Variants in PARD3 observed in about 807,000 individuals in gnomAD.
PARD3 encodes the protein partitioning defective 3 homolog.
PARD3 carries 75 observed loss-of-function variants against 155.4 expected under a neutral mutation model. The ratio of observed to expected loss-of-function variants is 0.48; its 90% confidence interval spans 0.40 to 0.58. The LOEUF (loss-of-function observed/expected upper bound fraction) is 0.58. Ranked by LOEUF, PARD3 falls within the 20% of genes least tolerant of loss-of-function variation. PARD3 has a pLI of 0.00. For missense variants in PARD3, 1,642 were observed against 1,721.7 expected (o/e 0.95, Z 0.82); for synonymous variants, 576 against 610.5 (o/e 0.94, Z 0.83).
intron 3 of PARD3, among the ~76,000 whole-genome samples, chr10:34,515,869 T>G (rs2081707225): frequency 6.6e-6 from 1 of 152,068 alleles, no homozygotes; most frequent in Non-Finnish European, 1.5e-5. Flanking sequence ...TTTATAAATA[T>G]CTACTGAAGA....
intron 22 of PARD3, among the ~76,000 whole-genome samples, chr10:34,177,642 T>C (rs1014979372): frequency 6.6e-6 from 1 of 152,186 alleles, no homozygotes; most frequent in African/African-American, 2.4e-5. Context: ...ACTGGGCAAT[T>C]AGAACGCAAG....
At chr10:34,594,185 C>T (rs935631577) in intron 2 of PARD3, among the ~76,000 whole-genome samples, 2 of 152,112 alleles carry the variant, frequency 1.3e-5, no homozygotes, top group Non-Finnish European at 2.9e-5. Flanking sequence ...GCACAGGGCA[C>T]GTGTTTTGTT....
chr10:34,491,563 C>G (rs887236972), intron 3 of PARD3, among the ~76,000 whole-genome samples: 3 of 152,146 alleles, frequency 2.0e-5, no homozygotes, highest in Non-Finnish European at 1.5e-5. Context: ...TTTACAGAAG[C>G]ATTTTTTTAT....
At chr10:34,185,192 T>C (rs1950432422) in intron 22 of PARD3, among the ~76,000 whole-genome samples, 2 of 152,336 alleles carry the variant, frequency 1.3e-5, no homozygotes, top group East Asian at 1.9e-4. Context: ...CAAGTTTACA[T>C]GTGTAGTTTC....
At chr10:34,486,087 C>T (rs1473500894) in intron 3 of PARD3, among the ~76,000 whole-genome samples, 2 of 151,920 alleles carry the variant, frequency 1.3e-5, no homozygotes, top group African/African-American at 2.4e-5. Context: ...CGATGAGTGG[C>T]TAATTTTCTT....
At chr10:34,501,264 A>G (rs1349522788) in intron 3 of PARD3, among the ~76,000 whole-genome samples, 3 of 152,130 alleles carry the variant, frequency 2.0e-5, no homozygotes, top group Non-Finnish European at 1.5e-5. Context: ...TGCTGTCTTC[A>G]TGACAATGAG....
intron 14 of PARD3, among the ~76,000 whole-genome samples, chr10:34,357,118 A>T (rs1838968014): frequency 6.6e-6 from 1 of 152,208 alleles, no homozygotes; most frequent in Non-Finnish European, 1.5e-5. Flanking sequence ...CAGTGCTTTT[A>T]TCAAAACATT....
chr10:34,663,059 G>T (rs561378178), intron 2 of PARD3, among the ~76,000 whole-genome samples: 1 of 152,150 alleles, frequency 6.6e-6, no homozygotes, highest in Non-Finnish European at 1.5e-5. Flanking sequence ...GGGAGCAGGG[G>T]AGTGGAGTTA....
At chr10:34,788,457 T>C (rs1423656657) in intron 1 of PARD3, among the ~76,000 whole-genome samples, 1 of 150,938 alleles carries the variant, frequency 6.6e-6, no homozygotes, top group East Asian at 1.9e-4. Context: ...GTTCTTTTTT[T>C]TTTTTTTCCT....
chr10:34,605,317 C>A (rs2090153028), intron 2 of PARD3, among the ~76,000 whole-genome samples: 2 of 147,100 alleles, frequency 1.4e-5, no homozygotes, highest in South Asian at 4.3e-4. Flanking sequence ...CTCAGCCTCC[C>A]GAGTAGCTGG....
At chr10:34,809,505 T>C (rs1163752386) in intron 1 of PARD3, among the ~76,000 whole-genome samples, 1 of 152,168 alleles carries the variant, frequency 6.6e-6, no homozygotes, top group Non-Finnish European at 1.5e-5. Context: ...CTCCTGGAGA[T>C]GGCTGTCTGG....
At chr10:34,518,526 C>A (rs1320481689) in intron 2 of PARD3, among the ~76,000 whole-genome samples, 2 of 152,174 alleles carry the variant, frequency 1.3e-5, no homozygotes, top group Non-Finnish European at 2.9e-5. Context: ...CCTGAAGGGG[C>A]TCCCAATGGA....
intron 2 of PARD3, among the ~76,000 whole-genome samples, chr10:34,625,465 G>T (rs997658263): frequency 6.6e-6 from 1 of 152,170 alleles, no homozygotes; most frequent in Non-Finnish European, 1.5e-5. Context: ...GTGGGCTTGG[G>T]GACTCCACAC....
intron 2 of PARD3, among the ~76,000 whole-genome samples, chr10:34,630,245 G>A (rs907272526): frequency 6.6e-6 from 1 of 152,202 alleles, no homozygotes; most frequent in African/African-American, 2.4e-5. Context: ...ATTCCCTTCT[G>A]CATCCACGAC....
chr10:34,814,832 TCCCCGCCGCC>T, intron 1 of PARD3, 34 bp downstream of exon 1: 101 of 1,202,132 alleles, frequency 8.4e-5, no homozygotes, highest in Non-Finnish European at 1.1e-4. Flanking sequence ...CCCGGCGCCG[TCCCCGCCGCC>T]GCCCCCTCCC....
intron 2 of PARD3, among the ~76,000 whole-genome samples, chr10:34,630,802 G>GATTGATTT (rs1389985808): frequency 6.8e-6 from 1 of 146,134 alleles, no homozygotes; most frequent in East Asian, 2.0e-4. Flanking sequence ...TCTGTAAACA[G>GATTGATTT]ATTTATTTAT....
At chr10:34,316,832 T>C (rs1366540595) in intron 20 of PARD3, among the ~76,000 whole-genome samples, 4 of 152,194 alleles carry the variant, frequency 2.6e-5, no homozygotes, top group Non-Finnish European at 5.9e-5. Context: ...TAGGAAAAGA[T>C]TATACAAGAA....
chr10:34,731,674 A>G (rs1489403799), intron 1 of PARD3, among the ~76,000 whole-genome samples: 2 of 152,240 alleles, frequency 1.3e-5, no homozygotes, highest in African/African-American at 4.8e-5. Flanking sequence ...AATTTTTTTC[A>G]CAATCAAATA....
At chr10:34,185,050 CTG>C (rs1044029528) in intron 22 of PARD3, among the ~76,000 whole-genome samples, 3 of 152,180 alleles carry the variant, frequency 2.0e-5, no homozygotes, top group African/African-American at 7.2e-5. Flanking sequence ...TAAACAAATG[CTG>C]TGTTTCACCT....
Sources: allele counts gnomAD v4.1 joint callset (sites outside exome capture counted in the v4.1 genomes callset), GRCh38; gene constraint gnomAD v4.1.1; transcripts MANE v1.5; gene names NCBI Gene and HGNC (gene_info 2026-07-23, HGNC 2026-07-21).